TASP1: variants seen among roughly 807,000 people sequenced by gnomAD.
TASP1 encodes threonine aspartase 1.
TASP1 carries 16 observed loss-of-function variants against 56.6 expected under a neutral mutation model. That is an observed-to-expected ratio of 0.28 (90% confidence interval 0.19 to 0.43). The LOEUF is 0.43. Ranked by LOEUF, TASP1 falls within the 20% of genes least tolerant of loss-of-function variation. The pLI is 1.00. For missense variants in TASP1, 393 were observed against 511.6 expected, an observed-to-expected ratio of 0.77 and a Z score of 2.24; for synonymous variants, 179 against 184.2, an observed-to-expected ratio of 0.97 and a Z score of 0.23.
chr20:13,419,238 A>G (rs1173398632), intron 12 of TASP1, among the ~76,000 whole-genome samples: 2 of 151,110 alleles, frequency 1.3e-5, no homozygotes, highest in African/African-American at 2.4e-5. Flanking sequence ...TAGTTCAGGG[A>G]AAAAAATGCA....
the TASP1 span, among the ~76,000 whole-genome samples, chr20:13,324,305 G>C: frequency 6.6e-6 from 1 of 152,198 alleles, no homozygotes; most frequent in African/African-American, 2.4e-5. Context: ...AAAATTCACA[G>C]AGAGTTGTAG....
the TASP1 span, among the ~76,000 whole-genome samples, chr20:13,142,602 T>C: frequency 1.3e-5 from 2 of 152,212 alleles, no homozygotes; most frequent in African/African-American, 2.4e-5. Flanking sequence ...ACAAACTTAG[T>C]GACCATTGAA....
At chr20:13,274,349 G>A in the TASP1 span, among the ~76,000 whole-genome samples, 3 of 152,094 alleles carry the variant, frequency 2.0e-5, no homozygotes, top group Non-Finnish European at 2.9e-5. Flanking sequence ...TGCCGGCCCC[G>A]TCAAAGCATT....
chr20:13,474,862 TA>T (rs917302415), intron 11 of TASP1, among the ~76,000 whole-genome samples: 1 of 152,212 alleles, frequency 6.6e-6, no homozygotes, highest in African/African-American at 2.4e-5. Flanking sequence ...ACTGTGGTTT[TA>T]ATTTGCATTT....
At chr20:13,310,321 G>A in the TASP1 span, among the ~76,000 whole-genome samples, 2 of 152,144 alleles carry the variant, frequency 1.3e-5, no homozygotes, top group South Asian at 2.1e-4. Flanking sequence ...ACACACAATG[G>A]GGAAAGGGTG....
chr20:13,532,619 C>T (rs2045263383), intron 9 of TASP1, among the ~76,000 whole-genome samples: 1 of 152,168 alleles, frequency 6.6e-6, no homozygotes, highest in South Asian at 2.1e-4. Context: ...TTCTTTTGCT[C>T]AGGACAGTTC....
intron 10 of TASP1, among the ~76,000 whole-genome samples, chr20:13,511,201 GA>G (rs943727449): frequency 2.6e-5 from 4 of 151,336 alleles, no homozygotes; most frequent in African/African-American, 9.7e-5. Context: ...ACTAAAAGAA[GA>G]TTTTTTTTTT....
intron 2 of TASP1, among the ~76,000 whole-genome samples, chr20:13,626,718 A>G (rs2147557382): frequency 6.6e-6 from 1 of 152,340 alleles, no homozygotes; most frequent in Admixed American, 6.5e-5. Context: ...GCCTCTCTTC[A>G]TGGTTCTCTA....
the TASP1 span, among the ~76,000 whole-genome samples, chr20:13,190,846 T>A: frequency 1.3e-5 from 2 of 152,076 alleles, no homozygotes; most frequent in South Asian, 4.1e-4. Context: ...CTGCAAGGGA[T>A]TAATATTCAG....
chr20:13,605,932 T>C (rs1050161719), intron 4 of TASP1, among the ~76,000 whole-genome samples: 5 of 152,130 alleles, frequency 3.3e-5, no homozygotes, highest in Admixed American at 6.5e-5. Context: ...GATCTGACCC[T>C]TCCCTCCCTC....
At chr20:13,399,498 A>G (rs985093314) in intron 13 of TASP1, among the ~76,000 whole-genome samples, 5 of 152,124 alleles carry the variant, frequency 3.3e-5, no homozygotes, top group South Asian at 2.1e-4. Flanking sequence ...TGGCAATTCT[A>G]TTCTTCTGTT....
chr20:13,258,698 A>T, the TASP1 span, among the ~76,000 whole-genome samples: 1 of 152,098 alleles, frequency 6.6e-6, no homozygotes, highest in South Asian at 2.1e-4. Context: ...TGAGAACAAC[A>T]CTGGGAGGAG....
intron 13 of TASP1, among the ~76,000 whole-genome samples, chr20:13,401,834 C>T (rs2041748615): frequency 1.3e-5 from 2 of 152,250 alleles, no homozygotes; most frequent in South Asian, 4.1e-4. Context: ...TGTGAGCAAA[C>T]AGCAGGCATG....
the TASP1 span, among the ~76,000 whole-genome samples, chr20:13,269,897 G>A: frequency 1.3e-5 from 2 of 151,874 alleles, no homozygotes; most frequent in Non-Finnish European, 2.9e-5. Flanking sequence ...TAGAATGGTT[G>A]GCATTTGATG....
chr20:13,166,570 C>T, the TASP1 span: 1 of 152,104 alleles, frequency 6.6e-6, no homozygotes, highest in East Asian at 1.9e-4. Context: ...ATTATTTGTG[C>T]AAATAAAATG....
At chr20:13,238,463 G>C in the TASP1 span, among the ~76,000 whole-genome samples, 1 of 152,158 alleles carries the variant, frequency 6.6e-6, no homozygotes, top group Non-Finnish European at 1.5e-5. Context: ...AAGGGTTGGG[G>C]CCAAATTAAA....
intron 8 of TASP1, among the ~76,000 whole-genome samples, chr20:13,558,613 T>C (rs1188207075): frequency 1.3e-5 from 2 of 152,086 alleles, no homozygotes; most frequent in East Asian, 3.8e-4. Flanking sequence ...TTTTATGAAA[T>C]ATAAATACAG....
At chr20:13,598,442 C>A (rs1315269551) in intron 4 of TASP1, among the ~76,000 whole-genome samples, 1 of 152,152 alleles carries the variant, frequency 6.6e-6, no homozygotes, top group African/African-American at 2.4e-5. Flanking sequence ...AAATGATTCC[C>A]TATTTAATAA....
chr20:13,362,902 G>T, the TASP1 span, among the ~76,000 whole-genome samples: 1 of 149,790 alleles, frequency 6.7e-6, no homozygotes, highest in Non-Finnish European at 1.5e-5. Context: ...GAGAGATAGT[G>T]GTAGGGTGCT....
Sources: allele counts gnomAD v4.1 joint callset (sites outside exome capture counted in the v4.1 genomes callset), GRCh38; gene constraint gnomAD v4.1.1; transcripts MANE v1.5; gene names NCBI Gene and HGNC (gene_info 2026-07-23, HGNC 2026-07-21).